CTNND2: variants seen among roughly 807,000 people sequenced by gnomAD.
CTNND2 encodes the protein catenin delta-2.
CTNND2 carries 22 observed loss-of-function variants against 144.4 expected under a neutral mutation model. The observed-to-expected ratio is 0.15, with a 90% CI of 0.11 to 0.22. CTNND2 has a LOEUF of 0.22. Among genes scored for constraint, CTNND2 ranks in the 10% least tolerant of loss-of-function variants. The pLI is 1.00. For missense variants in CTNND2, 1,353 were observed against 1,618.8 expected, an observed-to-expected ratio of 0.84 and a Z score of 2.82; for synonymous variants, 751 against 695.6, an observed-to-expected ratio of 1.08 and a Z score of -1.25.
chr5:11,203,626 C>T (rs769174052), intron 10 of CTNND2, among the ~76,000 whole-genome samples: 2 of 152,166 alleles, frequency 1.3e-5, no homozygotes, highest in Admixed American at 6.6e-5. Flanking sequence ...TTATCCGCCT[C>T]GGTCTCCCAA....
intron 1 of CTNND2, among the ~76,000 whole-genome samples, chr5:11,738,546 A>T (rs1490294377): frequency 6.6e-6 from 1 of 152,230 alleles, no homozygotes; most frequent in Non-Finnish European, 1.5e-5. Context: ...TGCAGAGACA[A>T]TATTCAATGT....
chr5:11,463,269 A>C (rs770251780), intron 3 of CTNND2, among the ~76,000 whole-genome samples: 26 of 152,332 alleles, frequency 1.7e-4, no homozygotes, highest in Non-Finnish European at 2.6e-4. Flanking sequence ...GTAATCTATT[A>C]ATCCATCCAT....
rs898124052 is a variant in CTNND2, at chr5:11,553,571, A to G, written c.287+11373T>C. 4.6e-5 allele frequency among the ~76,000 whole-genome samples: 7 copies of G among 152,364 alleles called. No homozygotes were observed. In the South Asian group the frequency reaches 1.2e-3, roughly 27 times the overall value. The stretch of plus-strand genomic sequence containing the variant: ...CCATTTTTATAGATGAAAGAAATAA[A>G]TAAAAGATAAATTATGACTATATTT... On this transcript the variant is annotated intron_variant, in intron 3 of 21. Coordinates refer to ENST00000304623, the MANE Select transcript of CTNND2 (RefSeq NM_001332.4).
chr5:11,889,975 T>G (rs1163348049), intron 1 of CTNND2, among the ~76,000 whole-genome samples: 1 of 152,204 alleles, frequency 6.6e-6, no homozygotes, highest in Admixed American at 6.5e-5. Flanking sequence ...GACAGTACCT[T>G]CAATTTAAAG....
intron 3 of CTNND2, 91 bp from the exon 4 acceptor site, chr5:11,412,160 G>A: frequency 1.1e-6 from 1 of 914,062 alleles, no homozygotes; most frequent in Non-Finnish European, 1.8e-6. Flanking sequence ...TATTAGGGTA[G>A]TAACAGTGGC....
intron 12 of CTNND2, among the ~76,000 whole-genome samples, chr5:11,135,738 A>G (rs938666240): frequency 1.3e-5 from 2 of 152,196 alleles, no homozygotes; most frequent in African/African-American, 4.8e-5. Flanking sequence ...TATTTTCCAC[A>G]TGGACACACC....
At chr5:11,432,586 G>A (rs1763399112) in intron 3 of CTNND2, among the ~76,000 whole-genome samples, 1 of 152,210 alleles carries the variant, frequency 6.6e-6, no homozygotes, top group South Asian at 2.1e-4. Flanking sequence ...CTGTGGTGGT[G>A]AAGCGGGAGG....
intron 9 of CTNND2, among the ~76,000 whole-genome samples, chr5:11,273,064 AT>A (rs776354661): frequency 3.3e-5 from 5 of 152,184 alleles, no homozygotes; most frequent in Non-Finnish European, 7.3e-5. Context: ...TAATATTGAT[AT>A]TATGAATTGT....
chr5:11,714,402 G>C (rs1016469383), intron 2 of CTNND2, among the ~76,000 whole-genome samples: 1 of 152,082 alleles, frequency 6.6e-6, no homozygotes, highest in African/African-American at 2.4e-5. Flanking sequence ...AAGTTACAGA[G>C]CATTACACTG....
chr5:11,224,544 CTGTT>C (rs1348567973), intron 10 of CTNND2, among the ~76,000 whole-genome samples: 1 of 152,140 alleles, frequency 6.6e-6, no homozygotes, highest in African/African-American at 2.4e-5. Flanking sequence ...AATTATAGCT[CTGTT>C]TGTTAAAGTC....
chr5:11,043,165 T>C (rs1051402038), intron 16 of CTNND2, among the ~76,000 whole-genome samples: 1 of 151,882 alleles, frequency 6.6e-6, no homozygotes, highest in African/African-American at 2.4e-5. Flanking sequence ...TCAAGAGAAA[T>C]AACATGAGAA....
chr5:11,342,490 T>C (rs962291212), intron 9 of CTNND2, among the ~76,000 whole-genome samples: 9 of 152,218 alleles, frequency 5.9e-5, no homozygotes, highest in African/African-American at 1.7e-4. Context: ...GATAGTGTTC[T>C]ATTGCAAATC....
In CTNND2 at chr5:11,661,492, G is replaced by A. The variant is rs143045328; in HGVS notation, c.174+70644C>T. 1.5e-3 allele frequency among the ~76,000 whole-genome samples: 227 copies of A among 152,136 alleles called. 1 individual carries two copies. The highest frequency in any genetic ancestry group is 5.2e-3 in the African/African-American group (217 of 41,518). ...CTTGTTTCTCATCTCTAGAATAAGC[G>A]ATCTAAGATGTCTTCCAAATAACAT... On this transcript the variant is annotated intron_variant, in intron 2 of 21. Coordinates refer to ENST00000304623, the MANE Select transcript of CTNND2 (RefSeq NM_001332.4).
chr5:11,773,858 C>A (rs1007940471), intron 1 of CTNND2, among the ~76,000 whole-genome samples: 1 of 148,678 alleles, frequency 6.7e-6, no homozygotes, highest in Non-Finnish European at 1.5e-5. Context: ...AATTTATAAC[C>A]AATCAATTTT....
intron 3 of CTNND2, among the ~76,000 whole-genome samples, chr5:11,503,817 C>T (rs73050042): frequency 1.3e-5 from 2 of 152,238 alleles, no homozygotes; most frequent in African/African-American, 2.4e-5. Flanking sequence ...ACTTATGGAA[C>T]AAAACAAGGA....
intron 1 of CTNND2, among the ~76,000 whole-genome samples, chr5:11,821,801 T>C (rs1793325813): frequency 6.6e-6 from 1 of 152,226 alleles, no homozygotes; most frequent in Non-Finnish European, 1.5e-5. Flanking sequence ...TCTATTTAGT[T>C]GAGAAAAACT....
intron 2 of CTNND2, among the ~76,000 whole-genome samples, chr5:11,699,098 A>C (rs1785286439): frequency 6.6e-6 from 1 of 151,952 alleles, no homozygotes. Context: ...TTTTAAAAAG[A>C]GTTACTTTAA....
At chr5:11,440,262 G>A (rs1477236501) in intron 3 of CTNND2, among the ~76,000 whole-genome samples, 1 of 152,048 alleles carries the variant, frequency 6.6e-6, no homozygotes, top group Non-Finnish European at 1.5e-5. Context: ...CTCGCTCATG[G>A]CATCAAAATT....
chr5:11,803,357 A>C (rs1791802430), intron 1 of CTNND2, among the ~76,000 whole-genome samples: 1 of 152,206 alleles, frequency 6.6e-6, no homozygotes, highest in Non-Finnish European at 1.5e-5. Flanking sequence ...AGAGTGCACA[A>C]GAGGGGTCAC....
Sources: gnomAD v4.1 joint callset for allele counts (sites outside exome capture counted in the v4.1 genomes callset) on GRCh38, gnomAD v4.1.1 for gene constraint, MANE v1.5 for transcripts, NCBI Gene and HGNC (gene_info 2026-07-23, HGNC 2026-07-21) for gene names.